Variants in IGSF21 observed in about 807,000 individuals in gnomAD.
IGSF21 encodes the protein immunoglobulin superfamily member 21.
Under a neutral mutation model 46.8 loss-of-function variants are expected in IGSF21, and 28 were observed. That is an observed-to-expected ratio of 0.60 (90% CI 0.44 to 0.82). The LOEUF (loss-of-function observed/expected upper bound fraction) is 0.82, where lower values mean the gene tolerates loss of function less well. Among genes scored for constraint, IGSF21 ranks in the 40% least tolerant of loss-of-function variants. The pLI is 0.00. For missense variants in IGSF21, 624 were observed against 665.5 expected, an observed-to-expected ratio of 0.94 and a Z score of 0.69; for synonymous variants, 284 against 273.6, an observed-to-expected ratio of 1.04 and a Z score of -0.38.
intron 3 of IGSF21, among the ~76,000 whole-genome samples, chr1:18,316,883 C>G (rs1311452636): frequency 2.0e-5 from 3 of 152,198 alleles, no homozygotes; most frequent in African/African-American, 7.2e-5. Flanking sequence ...TATTATTAGT[C>G]AACAAATAAA....
intron 1 of IGSF21, among the ~76,000 whole-genome samples, chr1:18,139,468 C>T: frequency 6.6e-6 from 1 of 152,214 alleles, no homozygotes; most frequent in Non-Finnish European, 1.5e-5. Context: ...GTGTCTTCGG[C>T]CTCCCAGAGC....
chr1:18,303,366 C>G (rs374620722), intron 3 of IGSF21, among the ~76,000 whole-genome samples: 1 of 152,128 alleles, frequency 6.6e-6, no homozygotes, highest in Non-Finnish European at 1.5e-5. Flanking sequence ...GAGAGCTCCC[C>G]GTTAAGGCAG....
intron 2 of IGSF21, among the ~76,000 whole-genome samples, chr1:18,240,581 A>G (rs1569606006): frequency 6.6e-6 from 1 of 152,232 alleles, no homozygotes; most frequent in South Asian, 2.1e-4. Flanking sequence ...GATGCTGAGC[A>G]CATAGCTTAG....
chr1:18,281,916 G>C (rs563235452), intron 2 of IGSF21, among the ~76,000 whole-genome samples: 7 of 152,314 alleles, frequency 4.6e-5, no homozygotes, highest in African/African-American at 1.4e-4. Flanking sequence ...ATCTGGATTT[G>C]GGGGTGTGGT....
Position 18,335,074 on chromosome 1 carries a change from A to C in IGSF21, c.424+64A>C. ...GAGGACGAGTATGCTTGAGTGTGTG[A>C]ATGTGCGCACAGAGTGGCCATCCTG... is the stretch of plus-strand genomic sequence containing the variant. On this transcript the variant is annotated intron_variant, in intron 4 of 9. Coordinates refer to ENST00000251296, the MANE Select transcript of IGSF21 (RefSeq NM_032880.5). The surrounding 1 kb of genome is among the most constrained non-coding windows in gnomAD (Gnocchi z 4.8). 2 of 1,292,512 alleles carry C rather than the reference A, an allele frequency of 1.5e-6. No homozygotes were observed. Among genetic ancestry groups the C allele is most frequent in the Non-Finnish European group, 2.3e-6 (2 of 888,788 alleles). The allele number at this position is 1,292,512 out of a possible 1,614,324, so 80.1% of individuals were successfully genotyped here. A position where few individuals can be genotyped will look rare whatever the true frequency, so the allele number is the denominator to read the frequency against.
intron 6 of IGSF21, among the ~76,000 whole-genome samples, chr1:18,373,182 CCAA>C: frequency 6.6e-6 from 1 of 152,114 alleles, no homozygotes; most frequent in East Asian, 1.9e-4. Flanking sequence ...AAACTGAAGC[CCAA>C]CAAGTTGAAA....
At chr1:18,256,708 C>T (rs1025173595) in intron 2 of IGSF21, among the ~76,000 whole-genome samples, 5 of 152,156 alleles carry the variant, frequency 3.3e-5, no homozygotes, top group African/African-American at 2.4e-5. Context: ...GAGCTGCTGC[C>T]GTTACCTCCT....
At chr1:18,147,190 T>C (rs1187513311) in intron 1 of IGSF21, among the ~76,000 whole-genome samples, 1 of 152,142 alleles carries the variant, frequency 6.6e-6, no homozygotes, top group Admixed American at 6.5e-5. Context: ...AAAATGTAAA[T>C]CAGATCCAGT....
intron 1 of IGSF21, among the ~76,000 whole-genome samples, chr1:18,181,569 C>A (rs1193517212): frequency 2.6e-5 from 4 of 152,218 alleles, no homozygotes; most frequent in Non-Finnish European, 4.4e-5. Flanking sequence ...CTGCTCCTGA[C>A]ATGGATGCCC....
chr1:18,155,372 A>G (rs2086559140), intron 1 of IGSF21, among the ~76,000 whole-genome samples: 2 of 152,184 alleles, frequency 1.3e-5, no homozygotes, highest in Admixed American at 1.3e-4. Context: ...CTGCTCCTGC[A>G]TCTGTAAAAT....
chr1:18,264,822 C>T (rs2084975967), intron 2 of IGSF21, among the ~76,000 whole-genome samples: 1 of 152,184 alleles, frequency 6.6e-6, no homozygotes, highest in African/African-American at 2.4e-5. Flanking sequence ...ACTTAGATGG[C>T]TCCCGTTACC....
chr1:18,226,842 C>T (rs1242401124), intron 1 of IGSF21, among the ~76,000 whole-genome samples: 9 of 152,152 alleles, frequency 5.9e-5, no homozygotes, highest in South Asian at 4.1e-4. Context: ...GGACATCAGC[C>T]GGCAGGAAGC....
rs374662012 is a variant in IGSF21 at position 18,362,083 on chromosome 1, C to G, written c.425-32C>G. 25 of 1,454,628 alleles carry G rather than the reference C, an allele frequency of 1.7e-5. No individual in the cohort carries two copies. In the African/African-American group the frequency reaches 1.9e-4, roughly 11 times the overall value. 90.1% of individuals were successfully genotyped at this position (1,454,628 alleles called of 1,614,324 possible). A position where few individuals can be genotyped will look rare whatever the true frequency, so the allele number is the denominator to read the frequency against. On this transcript the variant is annotated intron_variant, in intron 4 of 9. Coordinates refer to ENST00000251296, the MANE Select transcript of IGSF21 (RefSeq NM_032880.5). ...ACTCTTCCTGAATCTCCCAGTTGAG[C>G]CCTTGTCTTCCTGTGCTTCCTTTTG...
intron 1 of IGSF21, among the ~76,000 whole-genome samples, chr1:18,116,412 C>T (rs1215540802): frequency 2.0e-5 from 3 of 152,228 alleles, no homozygotes; most frequent in Non-Finnish European, 4.4e-5. Flanking sequence ...GGGCAAGACA[C>T]TCGCTGTCTG....
At chr1:18,132,021 C>T (rs1198440010) in intron 1 of IGSF21, among the ~76,000 whole-genome samples, 2 of 152,138 alleles carry the variant, frequency 1.3e-5, no homozygotes, top group African/African-American at 4.8e-5. Flanking sequence ...TAATAAATAC[C>T]TCATTTACTT....
At chr1:18,156,650 A>AC in intron 1 of IGSF21, among the ~76,000 whole-genome samples, 1 of 152,180 alleles carries the variant, frequency 6.6e-6, no homozygotes, top group African/African-American at 2.4e-5. Flanking sequence ...ATTTAGCTCA[A>AC]ATGTTGAGAA....
chr1:18,368,527 A>AAT (rs58062572), intron 6 of IGSF21, among the ~76,000 whole-genome samples: 1 of 131,976 alleles, frequency 7.6e-6, no homozygotes, highest in Non-Finnish European at 1.6e-5. Flanking sequence ...AAAAAAAAAA[A>AAT]GTTGGGGGGA....
chr1:18,243,998 C>T (rs1402210076), intron 2 of IGSF21, among the ~76,000 whole-genome samples: 3 of 152,198 alleles, frequency 2.0e-5, no homozygotes, highest in African/African-American at 7.2e-5. Context: ...GCCATGACAG[C>T]AACCATGCAA....
chr1:18,173,642 C>T (rs868222135), intron 1 of IGSF21, among the ~76,000 whole-genome samples: 2 of 152,230 alleles, frequency 1.3e-5, no homozygotes, highest in Non-Finnish European at 2.9e-5. Context: ...TGTGGTTACA[C>T]GGACCACTCG....
Sources: gnomAD v4.1 joint callset for allele counts (sites outside exome capture counted in the v4.1 genomes callset) on GRCh38, gnomAD v4.1.1 for gene constraint, Gnocchi (gnomAD v3.1) non-coding constraint, MANE v1.5 for transcripts, NCBI Gene and HGNC (gene_info 2026-07-23, HGNC 2026-07-21) for gene names.